Variants in B3GLCT observed in about 807,000 individuals in gnomAD.
The protein encoded by B3GLCT is beta 3-glucosyltransferase.
In B3GLCT, 65 loss-of-function variants were observed where a neutral mutation model predicts 63.4. The observed-to-expected ratio is 1.03, with a 90% CI of 0.84 to 1.26. The LOEUF (loss-of-function observed/expected upper bound fraction) is 1.26, where lower values mean the gene tolerates loss of function less well. Ranked by LOEUF, B3GLCT falls within the 50% of genes most tolerant of loss-of-function variation. B3GLCT has a pLI of 0.00. For synonymous variants in B3GLCT, 233 were observed against 219.2 expected (o/e 1.06, Z -0.55); for missense variants, 577 against 604.8 (o/e 0.95, Z 0.48).
chr13:31,276,113 C>T (rs1201418800), intron 9 of B3GLCT, among the ~76,000 whole-genome samples: 1 of 152,114 alleles, frequency 6.6e-6, no homozygotes, highest in African/African-American at 2.4e-5. Context: ...GCCTGGGCTC[C>T]AGGACTGCCC....
At chr13:31,310,613 G>A (rs1450365127) in intron 12 of B3GLCT, among the ~76,000 whole-genome samples, 1 of 152,212 alleles carries the variant, frequency 6.6e-6, no homozygotes, top group Non-Finnish European at 1.5e-5. Flanking sequence ...GGCCAGCCCA[G>A]GAGCCACGGG....
At chr13:31,321,118 T>G (rs1875310221) in intron 13 of B3GLCT, among the ~76,000 whole-genome samples, 1 of 152,252 alleles carries the variant, frequency 6.6e-6, no homozygotes, top group South Asian at 2.1e-4. Context: ...GGACTCATGT[T>G]TTTCAAGGTA....
chr13:31,200,093 G>A lies in B3GLCT; in HGVS notation c.9G>A (p.Pro3=). The change falls in exon 1 of 15, where the codon CCG becomes CCA. Residue 3 remains proline (P), a synonymous_variant. Coordinates refer to ENST00000343307, the MANE Select transcript of B3GLCT (RefSeq NM_194318.4). ...CAGCCTCCGCCGCCAGGATGCGGCC[G>A]CCCGCCTGCTGGTGGCTGCTCGCGC... MR[P]PACWWLLAPP... The A allele has an allele frequency of 1.5e-6, 2 of 1,373,450 alleles. No homozygotes were observed. Among genetic ancestry groups the A allele is most frequent in the Non-Finnish European group, 9.5e-7 (1 of 1,053,504 alleles). 85.1% of individuals were successfully genotyped at this position (1,373,450 alleles called of 1,614,324 possible).
At chr13:31,249,721 T>TAA (rs767816882) in intron 6 of B3GLCT, among the ~76,000 whole-genome samples, 1 of 151,262 alleles carries the variant, frequency 6.6e-6, no homozygotes, top group Non-Finnish European at 1.5e-5. Flanking sequence ...CTGCCATGTG[T>TAA]AAAAAAAAAC....
intron 13 of B3GLCT, among the ~76,000 whole-genome samples, chr13:31,318,410 G>A (rs1875163625): frequency 6.6e-6 from 1 of 152,116 alleles, no homozygotes; most frequent in African/African-American, 2.4e-5. Context: ...TTCCTACTTT[G>A]CAATTCCCTA....
intron 13 of B3GLCT, 139 bp from the exon 14 acceptor site, chr13:31,323,612 C>T (rs1395285009): frequency 4.2e-6 from 4 of 954,562 alleles, no homozygotes; most frequent in Middle Eastern, 3.2e-4. Context: ...TAGGGTTTTA[C>T]CTAGAGCTCA....
chr13:31,319,624 T>C (rs545117165), intron 13 of B3GLCT, among the ~76,000 whole-genome samples: 1 of 152,300 alleles, frequency 6.6e-6, no homozygotes, highest in Admixed American at 6.5e-5. Context: ...CAATGTCTTG[T>C]GTTACTCAGG....
At chr13:31,201,525 A>T (rs1487372641) in intron 1 of B3GLCT, among the ~76,000 whole-genome samples, 1 of 152,132 alleles carries the variant, frequency 6.6e-6, no homozygotes, top group Non-Finnish European at 1.5e-5. Flanking sequence ...CCCTGGGAGA[A>T]AGGGAGGTTG....
chr13:31,254,224 T>TA (rs1439205619), intron 6 of B3GLCT, among the ~76,000 whole-genome samples: 7 of 151,962 alleles, frequency 4.6e-5, no homozygotes, highest in African/African-American at 1.7e-4. Context: ...GACACAACAA[T>TA]AAAAAGAGAA....
At chr13:31,241,935 A>G (rs1870969042) in intron 4 of B3GLCT, among the ~76,000 whole-genome samples, 1 of 152,120 alleles carries the variant, frequency 6.6e-6, no homozygotes, top group African/African-American at 2.4e-5. Context: ...AGAGTTGGAA[A>G]CGACAGTAGT....
At chr13:31,271,063 A>G (rs1352364130) in intron 8 of B3GLCT, among the ~76,000 whole-genome samples, 1 of 152,214 alleles carries the variant, frequency 6.6e-6, no homozygotes, top group Non-Finnish European at 1.5e-5. Context: ...CCATTCTTCC[A>G]GTGCATGTGG....
rs377728652 is a variant in B3GLCT, at chr13:31,294,219, G to A, written c.1064+7400G>A. 1.4e-4 allele frequency among the ~76,000 whole-genome samples: 21 copies of A among 152,222 alleles called. No individual in the cohort carries two copies. The East Asian group carries it at 1.5e-3, about 11-fold the overall frequency. On this transcript the variant is annotated intron_variant, in intron 12 of 14. Transcript: ENST00000343307. ...GACTTCCCTTTGTGGGTGACCCGAC[G>A]TTTCTCTCTGGCTGCCTTTAACATT...
At chr13:31,300,413 T>C (rs1874166908) in intron 12 of B3GLCT, among the ~76,000 whole-genome samples, 1 of 152,192 alleles carries the variant, frequency 6.6e-6, no homozygotes, top group Admixed American at 6.5e-5. Flanking sequence ...ACCAGTTCAT[T>C]AAGACTGTAA....
chr13:31,267,595 G>A (rs962872205), intron 7 of B3GLCT, among the ~76,000 whole-genome samples: 4 of 152,176 alleles, frequency 2.6e-5, no homozygotes, highest in African/African-American at 9.6e-5. Flanking sequence ...CAAGTATTGA[G>A]TGGGAATGTG....
intron 12 of B3GLCT, among the ~76,000 whole-genome samples, chr13:31,308,910 G>A (rs1411808637): frequency 6.6e-6 from 1 of 152,218 alleles, no homozygotes; most frequent in Admixed American, 6.5e-5. Context: ...GGTGTATGTA[G>A]TGTCACGGTC....
chr13:31,201,010 TAAAA>T (rs11463665), intron 1 of B3GLCT, among the ~76,000 whole-genome samples: 1 of 143,384 alleles, frequency 7.0e-6, no homozygotes, highest in South Asian at 2.2e-4. Flanking sequence ...TGATAAAAGT[TAAAA>T]AAAAAAAAAA....
At chr13:31,317,130 T>C (rs1362240934) in intron 12 of B3GLCT, among the ~76,000 whole-genome samples, 1 of 152,210 alleles carries the variant, frequency 6.6e-6, no homozygotes, top group East Asian at 1.9e-4. Flanking sequence ...GGCTCCTTTT[T>C]AGGCCATCAG....
intron 12 of B3GLCT, among the ~76,000 whole-genome samples, chr13:31,308,322 T>C (rs1874489153): frequency 1.1e-4 from 1 of 9,318 alleles, no homozygotes; most frequent in Non-Finnish European, 5.1e-4. Context: ...CCCTAAAACT[T>C]AGAGTATAAT....
At chr13:31,261,111 G>T (rs1320862092) in intron 7 of B3GLCT, 29 bp downstream of exon 7, 1 of 1,594,696 alleles carries the variant, frequency 6.3e-7, no homozygotes, top group Admixed American at 1.7e-5. Context: ...TTTTTCGGGG[G>T]GCGGGAGGGG....
Sources: gnomAD v4.1 joint callset for allele counts (sites outside exome capture counted in the v4.1 genomes callset) on GRCh38, gnomAD v4.1.1 for gene constraint, MANE v1.5 for transcripts, NCBI Gene and HGNC (gene_info 2026-07-23, HGNC 2026-07-21) for gene names.